Variants in B4GALNT3 observed in about 807,000 individuals in gnomAD.
B4GALNT3 encodes beta-1,4-N-acetyl-galactosaminyltransferase 3.
In B4GALNT3, 86 loss-of-function variants were observed where a neutral mutation model predicts 120.2. The ratio of observed to expected loss-of-function variants is 0.72; its 90% CI spans 0.60 to 0.86. The LOEUF is 0.86. B4GALNT3 is among the 40% of genes least tolerant of loss of function. The probability of loss-of-function intolerance (pLI) is 0.00; values close to 1 mark genes in which losing one functional copy is unlikely to be tolerated. For missense variants in B4GALNT3, 1,167 were observed against 1,298.9 expected (o/e 0.90, Z 1.56); for synonymous variants, 518 against 510.4 (o/e 1.01, Z -0.20).
chr12:557,736 G>A lies in B4GALNT3; in HGVS notation c.2509G>A (p.Ala837Thr), dbSNP rs750120863. Residue 837 changes from alanine to threonine, a missense_variant, in exon 16 of 20, where the codon GCA (alanine) becomes ACA (threonine). This residue lies in a region of B4GALNT3 where 983 missense variants were observed against 1,102.5 expected (regional missense o/e 0.89). Transcript: ENST00000266383. ...CAGTGAGGACATGGATGTTGAGATG[G>A]CACTGAAGAGGTCCAAGCTGCGGAG... ...YSSEDMDVEMALKRSKLRSYQ... is the reference protein window; with the variant it reads ...YSSEDMDVEMTLKRSKLRSYQ... The A allele has an allele frequency of 8.1e-6, 13 of 1,603,842 alleles. No individual in the cohort carries two copies. The Admixed American group carries it at 2.3e-4, about 28-fold the overall frequency.
chr12:522,032 C>G (rs1275159192), intron 1 of B4GALNT3, among the ~76,000 whole-genome samples: 4 of 152,044 alleles, frequency 2.6e-5, no homozygotes, highest in African/African-American at 4.8e-5. Flanking sequence ...CCTGCCACCC[C>G]TCCTCTTTCC....
intron 1 of B4GALNT3, among the ~76,000 whole-genome samples, chr12:485,059 G>A (rs1946278387): frequency 1.3e-5 from 2 of 152,146 alleles, no homozygotes; most frequent in South Asian, 2.1e-4. Flanking sequence ...GTTCTCCCCA[G>A]CACCCAGAAG....
chr12:535,131 G>T, intron 1 of B4GALNT3, 35 bp from the exon 2 acceptor site: 1 of 1,571,254 alleles, frequency 6.4e-7, no homozygotes. Context: ...TCCAGGTTAC[G>T]CTGACCTGAG....
Position 510,281 on chromosome 12 carries a change from C to T in B4GALNT3, c.170-24885C>T, listed in dbSNP as rs139332166. On this transcript the variant is annotated intron_variant, in intron 1 of 19. Coordinates refer to ENST00000266383, the MANE Select transcript of B4GALNT3 (RefSeq NM_173593.4). ...GCAAGAGGGCTCCAGATGATTTCTG[C>T]CATGCTGAGCTAGCTGCCTGCTGGC... is the stretch of plus-strand genomic sequence containing the variant. Among the ~76,000 whole-genome samples, 539 of 152,224 alleles carry T rather than the reference C, an allele frequency of 3.5e-3. 1 individual carries two copies. Among genetic ancestry groups the T allele is most frequent in the African/African-American group, 0.012 (507 of 41,540 alleles).
At chr12:489,915 T>C (rs1028047254) in intron 1 of B4GALNT3, among the ~76,000 whole-genome samples, 1 of 152,196 alleles carries the variant, frequency 6.6e-6, no homozygotes, top group African/African-American at 2.4e-5. Context: ...CAATGTCTGA[T>C]CTCAGACCAC....
intron 1 of B4GALNT3, among the ~76,000 whole-genome samples, chr12:520,645 G>GCTCAGTAGTTTAATCGGCCATCA (rs1395325944): frequency 2.0e-4 from 31 of 152,064 alleles, no homozygotes; most frequent in South Asian, 6.2e-4. Context: ...TTATGGGATT[G>GCTCAGTAGTTTAATCGGCCATCA]TGACTAATAG....
chr12:514,164 A>C, intron 1 of B4GALNT3, among the ~76,000 whole-genome samples: 1 of 146,896 alleles, frequency 6.8e-6, no homozygotes, highest in African/African-American at 2.5e-5. Flanking sequence ...CAATTTCTCT[A>C]TGTTCTTGCC....
In B4GALNT3 at chr12:548,381, G is replaced by A; in HGVS notation, c.853+84G>A. The stretch of plus-strand genomic sequence containing the variant: ...GGGGATTTGGCAGGGGAGGAGGGGA[G>A]GAGGGGAGGAAGGAAGCTCGAGATG... On this transcript the variant is annotated intron_variant, in intron 9 of 19. Transcript: ENST00000266383. This position sits in a 1 kb window ranked among gnomAD's most constrained non-coding sequence, Gnocchi z 4.9. 7.3e-7 allele frequency: 1 copy of A among 1,365,186 alleles called. No homozygotes were observed. The highest frequency in any genetic ancestry group is 1.0e-6 in the Non-Finnish European group (1 of 960,572). 84.6% of individuals were successfully genotyped at this position (1,365,186 alleles called of 1,614,324 possible).
At chr12:481,948 T>C (rs1946247057) in intron 1 of B4GALNT3, among the ~76,000 whole-genome samples, 1 of 151,400 alleles carries the variant, frequency 6.6e-6, no homozygotes. Flanking sequence ...TCTTAGATGG[T>C]AGGTCAGTGG....
chr12:466,353 G>C (rs1946080963), intron 1 of B4GALNT3, among the ~76,000 whole-genome samples: 1 of 152,164 alleles, frequency 6.6e-6, no homozygotes, highest in Admixed American at 6.5e-5. Context: ...CCTAGAGGCT[G>C]TTCTTGGAGT....
chr12:515,036 G>GAA (rs1946638958), intron 1 of B4GALNT3, among the ~76,000 whole-genome samples: 1 of 152,104 alleles, frequency 6.6e-6, no homozygotes, highest in Non-Finnish European at 1.5e-5. Context: ...AAGAAAGAAA[G>GAA]AACACAAATT....
chr12:476,245 C>T (rs563490190), intron 1 of B4GALNT3, among the ~76,000 whole-genome samples: 17 of 152,114 alleles, frequency 1.1e-4, no homozygotes, highest in Non-Finnish European at 2.4e-4. Context: ...TGAAATAATA[C>T]AGATAAAGTA....
intron 1 of B4GALNT3, among the ~76,000 whole-genome samples, chr12:532,952 C>T (rs1269235355): frequency 6.6e-6 from 1 of 152,228 alleles, no homozygotes; most frequent in Non-Finnish European, 1.5e-5. Context: ...CTGAGACGCA[C>T]TGTAACTCCC....
chr12:558,456 C>T (rs992435199), intron 17 of B4GALNT3, 52 bp from the exon 18 acceptor site: 4 of 1,571,570 alleles, frequency 2.5e-6, no homozygotes, highest in Non-Finnish European at 3.5e-6. Flanking sequence ...GCGACCTGAC[C>T]TCCTAGCTCT....
intron 1 of B4GALNT3, among the ~76,000 whole-genome samples, chr12:487,555 A>G (rs538305757): frequency 6.6e-6 from 1 of 152,180 alleles, no homozygotes; most frequent in East Asian, 1.9e-4. Context: ...TCTACTAAAA[A>G]TACAAAAACT....
intron 1 of B4GALNT3, among the ~76,000 whole-genome samples, chr12:476,680 G>T (rs974042366): frequency 1.1e-4 from 16 of 152,314 alleles, no homozygotes; most frequent in African/African-American, 3.4e-4. Context: ...GAAGATACAT[G>T]CAGTAGATGT....
At chr12:510,363 T>A (rs2120569067) in intron 1 of B4GALNT3, among the ~76,000 whole-genome samples, 1 of 151,802 alleles carries the variant, frequency 6.6e-6, no homozygotes, top group South Asian at 2.1e-4. Context: ...GGGTGTGGCC[T>A]TCCTTGGGGT....
chr12:460,350 T>G lies in B4GALNT3; in HGVS notation c.-27T>G, dbSNP rs1224517969. 27 of 1,103,532 alleles carry G rather than the reference T, an allele frequency of 2.4e-5. No homozygotes were observed. The highest frequency in any genetic ancestry group is 2.9e-5 in the Non-Finnish European group (26 of 907,410). 68.4% of individuals were successfully genotyped at this position (1,103,532 alleles called of 1,614,324 possible). ...CGGCTCGGGGGGTTGGAGCCCGCGCTGGCGGCGGCCGCCTCGGCGCAGCGC... is the reference window on the plus strand; with the variant it reads ...CGGCTCGGGGGGTTGGAGCCCGCGCGGGCGGCGGCCGCCTCGGCGCAGCGC... On this transcript the variant is annotated 5_prime_UTR_variant, in exon 1 of 20. Transcript: ENST00000266383. This position sits in a 1 kb window ranked among gnomAD's most constrained non-coding sequence, Gnocchi z 8.0.
intron 3 of B4GALNT3, among the ~76,000 whole-genome samples, chr12:536,645 G>C (rs191392949): frequency 2.1e-4 from 32 of 152,316 alleles, no homozygotes; most frequent in South Asian, 4.1e-4. Flanking sequence ...ACTACACCTA[G>C]TTTAGTGATT....
Sources: gnomAD v4.1 joint callset for allele counts (sites outside exome capture counted in the v4.1 genomes callset) on GRCh38, gnomAD v4.1.1 for gene constraint, gnomAD v4.1.1 regional missense constraint, Gnocchi (gnomAD v3.1) non-coding constraint, MANE v1.5 for transcripts, NCBI Gene and HGNC (gene_info 2026-07-23, HGNC 2026-07-21) for gene names.